The following PARD3 variants were observed in gnomAD, a reference collection of about 807,000 sequenced individuals.
PARD3 encodes partitioning defective 3 homolog.
A neutral mutation model predicts 155.4 loss-of-function variants in PARD3; 75 were observed. The observed-to-expected ratio is 0.48, with a 90% confidence interval of 0.40 to 0.58. The LOEUF (loss-of-function observed/expected upper bound fraction) is 0.58, where lower values mean the gene tolerates loss of function less well. Among genes scored for constraint, PARD3 ranks in the 20% least tolerant of loss-of-function variants. The probability of loss-of-function intolerance (pLI) is 0.00; values close to 1 mark genes in which losing one functional copy is unlikely to be tolerated. For missense variants in PARD3, 1,642 were observed against 1,721.7 expected, an observed-to-expected ratio of 0.95 and a Z score of 0.82; for synonymous variants, 576 against 610.5, an observed-to-expected ratio of 0.94 and a Z score of 0.83.
rs149081430 is a variant in PARD3 at position 34,399,518 on chromosome 10, C to T, written c.807-105G>A. The T allele has an allele frequency of 1.4e-3, 1,032 of 750,692 alleles. 5 individuals are homozygous for T. The African/African-American group carries it at 0.016, about 12-fold the overall frequency. 46.5% of individuals were successfully genotyped at this position (750,692 alleles called of 1,614,324 possible). A position where few individuals can be genotyped will look rare whatever the true frequency, so the allele number is the denominator to read the frequency against. ...TGCAACAACACAGACACACAATAAA[C>T]AACAAAAGAGAACAGAACAAAAATC... On this transcript the variant is annotated intron_variant, in intron 6 of 24. Coordinates refer to ENST00000374788, the MANE Select transcript of PARD3 (RefSeq NM_001184785.2).
At chr10:34,708,770 A>C (rs922502514) in intron 1 of PARD3, among the ~76,000 whole-genome samples, 1 of 152,194 alleles carries the variant, frequency 6.6e-6, no homozygotes, top group Admixed American at 6.5e-5. Context: ...ATCCAAATTC[A>C]AGGTGTGAGT....
chr10:34,446,154 G>A lies in PARD3; in HGVS notation c.714+4163C>T, dbSNP rs563870003. Among the ~76,000 whole-genome samples the A allele has an allele frequency of 8.5e-5, 13 of 152,258 alleles. No homozygotes were observed. The South Asian group carries it at 2.7e-3, about 32-fold the overall frequency. ...TTCCCCTTCCTCTGTGCAAGGATGT[G>A]GCTCTGAAAGAAAAGGACAAGCTAG... On this transcript the variant is annotated intron_variant, in intron 5 of 24. Transcript: ENST00000374788.
At chr10:34,121,390 T>C (rs1338278445) in intron 23 of PARD3, among the ~76,000 whole-genome samples, 2 of 152,210 alleles carry the variant, frequency 1.3e-5, no homozygotes, top group East Asian at 3.9e-4. Context: ...CAGTTCCCCC[T>C]CTGTTATGCA....
rs776170232 is a variant in PARD3 at position 34,470,265 on chromosome 10, T to TGTAAAC, written c.404-8_404-3dup. 5.7e-6 allele frequency: 9 copies of TGTAAAC among 1,579,770 alleles called. No homozygotes were observed. The East Asian group carries it at 2.1e-4, about 36-fold the overall frequency. ...TGCGTCGAACATGAAGAGGCATATC[T>TGTAAAC]GTAAACACAAAAGCACTATGCTGAA... On this transcript the variant is annotated splice_polypyrimidine_tract_variant and splice_region_variant and intron_variant, in intron 3 of 24. Coordinates refer to ENST00000374788, the MANE Select transcript of PARD3 (RefSeq NM_001184785.2).
At chr10:34,219,578 ATC>A (rs1404237076) in intron 22 of PARD3, among the ~76,000 whole-genome samples, 4 of 151,864 alleles carry the variant, frequency 2.6e-5, no homozygotes, top group African/African-American at 9.7e-5. Flanking sequence ...TGGGTGAAAA[ATC>A]TCTCTGTTAA....
In PARD3 at chr10:34,241,450, G is replaced by A. The variant is rs573333034; in HGVS notation, c.3419+28207C>T. ...TCCTGGCGGGCCTCAGCAGCGGGAG[G>A]GCACAGGGTGTCTAGTGTTCACAGA... On this transcript the variant is annotated intron_variant, in intron 22 of 24. Coordinates refer to ENST00000374788, the MANE Select transcript of PARD3 (RefSeq NM_001184785.2). Among the ~76,000 whole-genome samples the A allele has an allele frequency of 4.8e-4, 73 of 152,242 alleles. 1 individual carries two copies. The South Asian group carries it at 8.1e-3, about 17-fold the overall frequency.
intron 21 of PARD3, among the ~76,000 whole-genome samples, chr10:34,280,625 G>C (rs1361086494): frequency 1.3e-5 from 2 of 152,148 alleles, no homozygotes; most frequent in Non-Finnish European, 2.9e-5. Context: ...AAACTTGCTC[G>C]CAGTTCTGGA....
chr10:34,252,737 T>C (rs1954395599), intron 22 of PARD3, among the ~76,000 whole-genome samples: 1 of 149,654 alleles, frequency 6.7e-6, no homozygotes, highest in African/African-American at 2.5e-5. Flanking sequence ...TTTATATATA[T>C]GTGTATGTGT....
At chr10:34,443,477 C>T (rs564413993) in intron 5 of PARD3, among the ~76,000 whole-genome samples, 11 of 152,224 alleles carry the variant, frequency 7.2e-5, no homozygotes, top group African/African-American at 2.2e-4. Flanking sequence ...CAGTTCCATG[C>T]GGCTAGGGAG....
rs896538572 is a variant in PARD3, at chr10:34,433,166, T to C, written c.714+17151A>G. On this transcript the variant is annotated intron_variant, in intron 5 of 24. Coordinates refer to ENST00000374788, the MANE Select transcript of PARD3 (RefSeq NM_001184785.2). ...CAGGATTCTACCTTTTATTAAAATC[T>C]ACAACCAAAGGAGTAACAGTTAACT... Among the ~76,000 whole-genome samples, 11 of 152,232 alleles carry C rather than the reference T, an allele frequency of 7.2e-5. No homozygotes were observed. In the East Asian group the frequency reaches 2.1e-3, roughly 29 times the overall value.
At chr10:34,352,878 G>A (rs1395213577) in intron 14 of PARD3, among the ~76,000 whole-genome samples, 1 of 151,898 alleles carries the variant, frequency 6.6e-6, no homozygotes, top group South Asian at 2.1e-4. Context: ...CTTCCCAGCC[G>A]CCATCCCATC....
chr10:34,561,363 T>A (rs2134060457), intron 2 of PARD3, among the ~76,000 whole-genome samples: 1 of 152,304 alleles, frequency 6.6e-6, no homozygotes, highest in Non-Finnish European at 1.5e-5. Context: ...TTGCTCTCAA[T>A]CCCAAACCAG....
chr10:34,266,989 G>A (rs2133840589), intron 22 of PARD3, among the ~76,000 whole-genome samples: 1 of 152,272 alleles, frequency 6.6e-6, no homozygotes, highest in East Asian at 1.9e-4. Flanking sequence ...TGGCTTTGAT[G>A]TCATGTGGGA....
At chr10:34,554,866 G>A (rs2084863628) in intron 2 of PARD3, among the ~76,000 whole-genome samples, 1 of 152,128 alleles carries the variant, frequency 6.6e-6, no homozygotes, top group African/African-American at 2.4e-5. Context: ...GAAATACCTA[G>A]ACATCGAATA....
chr10:34,130,045 G>A (rs1947522966), intron 23 of PARD3, among the ~76,000 whole-genome samples: 1 of 151,934 alleles, frequency 6.6e-6, no homozygotes, highest in African/African-American at 2.4e-5. Flanking sequence ...CCAACACTTT[G>A]TCTGAACTGA....
At chr10:34,421,410 CTA>C (rs1389329979) in intron 5 of PARD3, among the ~76,000 whole-genome samples, 2 of 150,560 alleles carry the variant, frequency 1.3e-5, no homozygotes, top group Non-Finnish European at 3.0e-5. Flanking sequence ...AATAATTATA[CTA>C]GTTATTACAT....
At chr10:34,325,461 T>G (rs181130949) in intron 19 of PARD3, among the ~76,000 whole-genome samples, 8 of 152,158 alleles carry the variant, frequency 5.3e-5, no homozygotes, top group African/African-American at 1.9e-4. Flanking sequence ...AATACCTCTC[T>G]TCTGGAAATC....
chr10:34,319,631 C>T (rs1016127855), intron 19 of PARD3, among the ~76,000 whole-genome samples: 2 of 152,158 alleles, frequency 1.3e-5, no homozygotes, highest in African/African-American at 4.8e-5. Context: ...TTGTGGTGTA[C>T]ACAGAGCAGG....
chr10:34,670,947 A>G (rs1028383641), intron 2 of PARD3, among the ~76,000 whole-genome samples: 2 of 152,240 alleles, frequency 1.3e-5, no homozygotes, highest in African/African-American at 4.8e-5. Context: ...TGATTACTTC[A>G]GCAACACATC....
Sources: gnomAD v4.1 joint callset for allele counts (sites outside exome capture counted in the v4.1 genomes callset) on GRCh38, gnomAD v4.1.1 for gene constraint, MANE v1.5 for transcripts, NCBI Gene and HGNC (gene_info 2026-07-23, HGNC 2026-07-21) for gene names.